Variants in RBFOX1 observed in about 807,000 individuals in gnomAD.
RBFOX1 encodes the protein RNA binding protein fox-1 homolog 1.
A neutral mutation model predicts 57.7 loss-of-function variants in RBFOX1; 8 were observed. The observed-to-expected ratio is 0.14, with a 90% CI of 0.08 to 0.25. RBFOX1 has a LOEUF of 0.25. Among genes scored for constraint, RBFOX1 ranks in the 10% least tolerant of loss-of-function variants. The pLI, the probability that RBFOX1 is intolerant of heterozygous loss-of-function variation, is 1.00. For missense variants in RBFOX1, 611 were observed against 548.5 expected, an observed-to-expected ratio of 1.11 and a Z score of -1.14; for synonymous variants, 326 against 222.4, an observed-to-expected ratio of 1.47 and a Z score of -4.15.
At chr16:5,645,288 A>C (rs929963222) in intron 3 of RBFOX1, among the ~76,000 whole-genome samples, 2 of 149,134 alleles carry the variant, frequency 1.3e-5, no homozygotes, top group Admixed American at 6.6e-5. Context: ...AAAAAAAAAC[A>C]TGCTGAGTGA....
At chr16:7,426,694 T>G (rs954217850) in intron 4 of RBFOX1, among the ~76,000 whole-genome samples, 20 of 152,166 alleles carry the variant, frequency 1.3e-4, no homozygotes, top group African/African-American at 4.8e-4. Context: ...GTTGCATATT[T>G]TATCTGTCCT....
intron 4 of RBFOX1, among the ~76,000 whole-genome samples, chr16:7,212,726 C>A (rs2091378156): frequency 6.6e-6 from 1 of 152,068 alleles, no homozygotes; most frequent in African/African-American, 2.4e-5. Flanking sequence ...AGCATGTGGG[C>A]CTTAAAACCT....
At chr16:6,332,612 C>T (rs1461200354) in intron 2 of RBFOX1, among the ~76,000 whole-genome samples, 1 of 152,178 alleles carries the variant, frequency 6.6e-6, no homozygotes, top group African/African-American at 2.4e-5. Context: ...TCTTCATACA[C>T]ACACATGCAC....
rs1013122118 is a variant in RBFOX1, at chr16:7,097,961, A to T, written c.27+45863A>T. Reference sequence around the variant, plus strand: ...GAGGATCAGAAATACAAAACAGTTTAATAATAGTGAGTGTTGTGAGGAGTT... The same window carrying T: ...GAGGATCAGAAATACAAAACAGTTTTATAATAGTGAGTGTTGTGAGGAGTT... On this transcript the variant is annotated intron_variant, in intron 4 of 15. Coordinates refer to ENST00000550418, the MANE Select transcript of RBFOX1 (RefSeq NM_018723.4). 2.0e-5 allele frequency among the ~76,000 whole-genome samples: 3 copies of T among 152,300 alleles called. No homozygotes were observed. In the South Asian group the frequency reaches 6.2e-4, roughly 32 times the overall value.
intron 1 of RBFOX1, among the ~76,000 whole-genome samples, chr16:6,285,344 A>G (rs1194476844): frequency 2.6e-5 from 4 of 152,136 alleles, no homozygotes; most frequent in Admixed American, 2.6e-4. Context: ...GGAAGTATGA[A>G]TTCTGAGGGC....
chr16:7,257,556 C>T (rs955278416), intron 4 of RBFOX1, among the ~76,000 whole-genome samples: 2 of 152,154 alleles, frequency 1.3e-5, no homozygotes, highest in South Asian at 2.1e-4. Context: ...CACTGTCTCC[C>T]ATTCCAGCCC....
chr16:5,678,601 G>T lies in RBFOX1; in HGVS notation c.318+79640G>T, dbSNP rs1308267397. Among the ~76,000 whole-genome samples, 5 of 152,104 alleles carry T rather than the reference G, an allele frequency of 3.3e-5. No individual in the cohort carries two copies. The East Asian group carries it at 9.6e-4, about 29-fold the overall frequency. ...TACGTGGTTAATCATTGCTTCCTCTGGGTGCTTGAGCCCGTCCCACAGGAA... is the reference window on the plus strand; with the variant it reads ...TACGTGGTTAATCATTGCTTCCTCTTGGTGCTTGAGCCCGTCCCACAGGAA... On this transcript the variant is annotated intron_variant, in intron 3 of 19. Transcript: ENST00000641259.
rs1178543326 is a variant in RBFOX1, at chr16:6,990,146, C to T, written c.-15-61911C>T. 6.6e-5 allele frequency among the ~76,000 whole-genome samples: 10 copies of T among 152,304 alleles called. No homozygotes were observed. The South Asian group carries it at 8.3e-4, about 13-fold the overall frequency. ...ACAACTAGTAAACGTGCCCAACACA[C>T]AGTAGGGATTCAGTAAGTATGTGTT... On this transcript the variant is annotated intron_variant, in intron 3 of 15. Transcript: ENST00000550418.
intron 4 of RBFOX1, among the ~76,000 whole-genome samples, chr16:7,072,800 G>C (rs144965106): frequency 0.011 from 1,645 of 152,350 alleles, 16 homozygotes; most frequent in Non-Finnish European, 0.017. Context: ...CATGTGAGAT[G>C]AAGCTACCGT....
At chr16:6,888,292 G>A (rs2064602892) in intron 3 of RBFOX1, among the ~76,000 whole-genome samples, 1 of 152,198 alleles carries the variant, frequency 6.6e-6, no homozygotes, top group African/African-American at 2.4e-5. Context: ...GACAGCTTAA[G>A]TCCTGCTCTT....
At chr16:7,142,994 A>T (rs1713917607) in intron 4 of RBFOX1, among the ~76,000 whole-genome samples, 1 of 150,894 alleles carries the variant, frequency 6.6e-6, no homozygotes, top group South Asian at 2.1e-4. Flanking sequence ...CAAAATTGGG[A>T]CTGGGTGGTT....
At chr16:7,441,051 A>T (rs554014045) in intron 4 of RBFOX1, among the ~76,000 whole-genome samples, 1 of 92,258 alleles carries the variant, frequency 1.1e-5, no homozygotes, top group Non-Finnish European at 1.9e-5. Context: ...AAAACCAAAG[A>T]AAAAAAAAAG....
chr16:5,929,235 A>G (rs1310312583), intron 4 of RBFOX1, among the ~76,000 whole-genome samples: 1 of 151,882 alleles, frequency 6.6e-6, no homozygotes, highest in Non-Finnish European at 1.5e-5. Context: ...GCCACTTTCT[A>G]AGGGGTCTCT....
intron 3 of RBFOX1, among the ~76,000 whole-genome samples, chr16:6,987,327 G>A (rs1009741223): frequency 7.2e-5 from 11 of 152,126 alleles, no homozygotes; most frequent in African/African-American, 2.7e-4. Context: ...AAAGGAGGAA[G>A]TGAGTGGAGA....
At chr16:5,390,653 T>G (rs1333311599) in intron 1 of RBFOX1, among the ~76,000 whole-genome samples, 1 of 152,130 alleles carries the variant, frequency 6.6e-6, no homozygotes, top group Non-Finnish European at 1.5e-5. Context: ...CAGGCGAATC[T>G]CCCTCATCTT....
At chr16:7,390,213 A>C (rs1174249141) in intron 4 of RBFOX1, among the ~76,000 whole-genome samples, 1 of 151,996 alleles carries the variant, frequency 6.6e-6, no homozygotes, top group Non-Finnish European at 1.5e-5. Flanking sequence ...CTCGCACCAG[A>C]CCCCTCCTCC....
chr16:7,504,161 G>T (rs566152563), intron 4 of RBFOX1, among the ~76,000 whole-genome samples: 103 of 152,240 alleles, frequency 6.8e-4, no homozygotes, highest in African/African-American at 2.5e-3. Flanking sequence ...CATGACCTGA[G>T]ATAATTTTCT....
chr16:6,957,454 C>A (rs998754436), intron 3 of RBFOX1, among the ~76,000 whole-genome samples: 5 of 152,090 alleles, frequency 3.3e-5, no homozygotes, highest in African/African-American at 9.7e-5. Flanking sequence ...ATTCATGCCT[C>A]CGCTTGTTAG....
intron 4 of RBFOX1, among the ~76,000 whole-genome samples, chr16:7,166,815 C>T (rs1051906352): frequency 2.6e-5 from 4 of 152,068 alleles, no homozygotes; most frequent in East Asian, 1.9e-4. Context: ...CCAACCCATG[C>T]GGCATCTCTC....
Sources: allele counts gnomAD v4.1 joint callset (sites outside exome capture counted in the v4.1 genomes callset), GRCh38; gene constraint gnomAD v4.1.1; transcripts MANE v1.5; gene names NCBI Gene and HGNC (gene_info 2026-07-23, HGNC 2026-07-21).